PTPRD: variants seen among roughly 807,000 people sequenced by gnomAD.
The protein encoded by PTPRD is receptor-type tyrosine-protein phosphatase delta.
In PTPRD, 34 loss-of-function variants were observed where a neutral mutation model predicts 214.5. The observed-to-expected ratio is 0.16, with a 90% CI of 0.12 to 0.21. PTPRD has a LOEUF of 0.21. PTPRD is among the 10% of genes least tolerant of loss of function. The pLI is 1.00. For missense variants in PTPRD, 2,545 were observed against 2,398.7 expected, an observed-to-expected ratio of 1.06 and a Z score of -1.27; for synonymous variants, 1,128 against 845.7, an observed-to-expected ratio of 1.33 and a Z score of -5.79.
intron 8 of PTPRD, among the ~76,000 whole-genome samples, chr9:9,407,206 G>A (rs1301094209): frequency 2.6e-5 from 4 of 151,636 alleles, no homozygotes; most frequent in Non-Finnish European, 4.4e-5. Context: ...TGTTTTTGGT[G>A]TCTGGCTTTT....
At chr9:9,173,895 T>C (rs1592907242) in intron 10 of PTPRD, among the ~76,000 whole-genome samples, 2 of 152,138 alleles carry the variant, frequency 1.3e-5, no homozygotes. Flanking sequence ...ATCTGCAGTG[T>C]CTGGCCCACT....
At chr9:8,633,282 A>G (rs1175388163) in intron 14 of PTPRD, 35 bp downstream of exon 14, 1 of 1,600,666 alleles carries the variant, frequency 6.2e-7, no homozygotes, top group African/African-American at 1.4e-5. Context: ...AATTGTAACA[A>G]TGACACAAAC....
At chr9:8,429,908 G>C (rs1266930002) in intron 35 of PTPRD, among the ~76,000 whole-genome samples, 2 of 152,152 alleles carry the variant, frequency 1.3e-5, no homozygotes, top group African/African-American at 2.4e-5. Flanking sequence ...ATAGCTTTAA[G>C]GTAATACTAC....
At chr9:9,783,227 A>G (rs890586776) in intron 5 of PTPRD, among the ~76,000 whole-genome samples, 11 of 152,160 alleles carry the variant, frequency 7.2e-5, no homozygotes, top group Non-Finnish European at 1.6e-4. Flanking sequence ...GATTTTCCCC[A>G]TTATAGGAGA....
At chr9:8,891,078 AT>A (rs1230818782) in intron 11 of PTPRD, among the ~76,000 whole-genome samples, 1 of 151,056 alleles carries the variant, frequency 6.6e-6, no homozygotes, top group African/African-American at 2.4e-5. Context: ...TAGCCCCTGT[AT>A]TTGAACAGAT....
intron 11 of PTPRD, among the ~76,000 whole-genome samples, chr9:8,786,732 T>C (rs1018685967): frequency 2.1e-5 from 3 of 146,158 alleles, no homozygotes; most frequent in African/African-American, 7.4e-5. Context: ...TGGAGTTTTA[T>C]ACCTGAATCC....
intron 11 of PTPRD, among the ~76,000 whole-genome samples, chr9:8,915,478 GAT>G (rs1459875699): frequency 2.6e-5 from 4 of 152,054 alleles, no homozygotes; most frequent in East Asian, 1.9e-4. Flanking sequence ...GGAACAATGT[GAT>G]ATGTGTGTGT....
intron 34 of PTPRD, among the ~76,000 whole-genome samples, chr9:8,444,978 G>C (rs1203964323): frequency 1.3e-5 from 2 of 152,086 alleles, no homozygotes; most frequent in Non-Finnish European, 2.9e-5. Flanking sequence ...TCTTTTATAA[G>C]TGAATATTTT....
chr9:9,044,727 T>C (rs1372054518), intron 10 of PTPRD, among the ~76,000 whole-genome samples: 1 of 152,174 alleles, frequency 6.6e-6, no homozygotes, highest in East Asian at 1.9e-4. Flanking sequence ...GAATATGCAG[T>C]AATTACCCTT....
At chr9:9,786,481 G>A (rs1278338141) in intron 5 of PTPRD, among the ~76,000 whole-genome samples, 1 of 152,146 alleles carries the variant, frequency 6.6e-6, no homozygotes. Context: ...TCAGCATTTT[G>A]TACCATAAAT....
At chr9:8,966,073 T>C (rs2099192342) in intron 11 of PTPRD, among the ~76,000 whole-genome samples, 1 of 152,050 alleles carries the variant, frequency 6.6e-6, no homozygotes, top group African/African-American at 2.4e-5. Context: ...GGGATACATA[T>C]AACCAAGGAG....
chr9:9,903,388 C>A (rs1479202392), intron 5 of PTPRD, among the ~76,000 whole-genome samples: 1 of 151,968 alleles, frequency 6.6e-6, no homozygotes, highest in Non-Finnish European at 1.5e-5. Flanking sequence ...GTGCCTGTTG[C>A]CACATTAGTA....
At position 10,138,300 on chromosome 9, in the gene PTPRD, C is replaced by T. The variant is rs767810704; in HGVS notation, c.-544-104510G>A. ...GTAGGAAATCCAGAGGACATGAATA[C>T]ATTCCTAGAAACACACAACCTCCCA... is the stretch of plus-strand genomic sequence containing the variant. On this transcript the variant is annotated intron_variant, in intron 3 of 45. Transcript: ENST00000381196. 5.3e-5 allele frequency among the ~76,000 whole-genome samples: 8 copies of T among 152,072 alleles called. No individual in the cohort carries two copies. The South Asian group carries it at 1.2e-3, about 24-fold the overall frequency.
chr9:10,432,232 A>G (rs1286313779), intron 2 of PTPRD, among the ~76,000 whole-genome samples: 1 of 142,478 alleles, frequency 7.0e-6, no homozygotes, highest in Admixed American at 7.5e-5. Flanking sequence ...CGGGAATTGA[A>G]CAATGAGATC....
chr9:10,277,086 C>G (rs1465906889), intron 3 of PTPRD, among the ~76,000 whole-genome samples: 2 of 152,156 alleles, frequency 1.3e-5, no homozygotes, highest in East Asian at 3.9e-4. Context: ...CCTGATTCAT[C>G]ATGTTTATAG....
intron 8 of PTPRD, among the ~76,000 whole-genome samples, chr9:9,493,281 C>T (rs1207428564): frequency 6.6e-6 from 1 of 151,950 alleles, no homozygotes; most frequent in Non-Finnish European, 1.5e-5. Flanking sequence ...CACTGTAGTA[C>T]CAAATTTTTA....
intron 9 of PTPRD, among the ~76,000 whole-genome samples, chr9:9,288,911 C>T (rs1950314976): frequency 6.6e-6 from 1 of 151,792 alleles, no homozygotes; most frequent in Non-Finnish European, 1.5e-5. Flanking sequence ...TCCTTGCTGC[C>T]ACTATGTGAA....
intron 3 of PTPRD, among the ~76,000 whole-genome samples, chr9:10,056,547 T>C (rs1321768560): frequency 6.6e-6 from 1 of 152,082 alleles, no homozygotes; most frequent in Non-Finnish European, 1.5e-5. Flanking sequence ...CGCCTTAGTG[T>C]TTTTAATAGT....
chr9:8,802,221 C>A (rs1016158650), intron 11 of PTPRD, among the ~76,000 whole-genome samples: 7 of 152,274 alleles, frequency 4.6e-5, no homozygotes, highest in Admixed American at 3.9e-4. Context: ...TGTTCCCCCA[C>A]ACCCTGTTAT....
Sources: gnomAD v4.1 joint callset for allele counts (sites outside exome capture counted in the v4.1 genomes callset) on GRCh38, gnomAD v4.1.1 for gene constraint, MANE v1.5 for transcripts, NCBI Gene and HGNC (gene_info 2026-07-23, HGNC 2026-07-21) for gene names.